Variants in HSH2D observed in about 807,000 individuals in gnomAD.
HSH2D encodes the protein hematopoietic SH2 domain containing, also known as hematopoietic SH2 domain-containing protein.
HSH2D carries 16 observed loss-of-function variants against 21.5 expected under a neutral mutation model. The observed-to-expected ratio is 0.74, with a 90% confidence interval of 0.50 to 1.13. The LOEUF (loss-of-function observed/expected upper bound fraction) is 1.13. Among genes scored for constraint, HSH2D ranks in the 50% most tolerant of loss-of-function variants. HSH2D has a pLI of 0.00. For synonymous variants in HSH2D, 172 were observed against 184.7 expected (o/e 0.93, Z 0.56); for missense variants, 418 against 441.4 (o/e 0.95, Z 0.47).
upstream of HSH2D, chr19:16,140,032 T>C (rs2090989677): frequency 6.6e-6 from 1 of 152,262 alleles, no homozygotes; most frequent in African/African-American, 2.4e-5. Context: ...GGTGAGGTCT[T>C]AGGGGACTGT....
intron 5 of HSH2D, among the ~76,000 whole-genome samples, chr19:16,156,807 G>A (rs899420472): frequency 1.3e-5 from 2 of 152,122 alleles, no homozygotes; most frequent in Admixed American, 1.3e-4. Flanking sequence ...GGCCAACATG[G>A]TGAAACCATG....
intron 4 of HSH2D, 62 bp from the exon 5 acceptor site, chr19:16,154,336 AG>A: frequency 8.9e-7 from 1 of 1,119,298 alleles, no homozygotes; most frequent in East Asian, 2.6e-5. Flanking sequence ...CCTGCCTTCC[AG>A]GGTCCGTGCA....
rs1324298332 is a variant in HSH2D, at chr19:16,148,663, T to C, written c.-27-61T>C. ...GAGGAGGCACCACAAGCTTCAAGAA[T>C]AGAGCAAAGATAAGAGGTGCATCAA... On this transcript the variant is annotated intron_variant, in intron 1 of 5. Coordinates refer to ENST00000613986, the MANE Select transcript of HSH2D (RefSeq NM_001382417.1). 6.5e-6 allele frequency: 10 copies of C among 1,536,296 alleles called. No individual in the cohort carries two copies. The Admixed American group carries it at 6.8e-5, about 10-fold the overall frequency.
chr19:16,142,624 G>A (rs545624813), upstream of HSH2D, among the ~76,000 whole-genome samples: 34 of 151,028 alleles, frequency 2.3e-4, no homozygotes, highest in East Asian at 4.9e-3. Flanking sequence ...TCACCACGCC[G>A]GGCTAATTTT....
rs748969553 is a variant in HSH2D, at chr19:16,157,237, C to A, written c.502C>A (p.Gln168Lys). 1.9e-6 allele frequency: 3 copies of A among 1,563,838 alleles called. No individual in the cohort carries two copies. In the Admixed American group the frequency reaches 5.9e-5, roughly 31 times the overall value. Residue 168 changes from glutamine (Q) to lysine (K), a missense_variant, in exon 6 of 6, where the codon CAA (glutamine) becomes AAA (lysine). Gln to Lys is a moderately conservative substitution (Grantham distance 53). Coordinates refer to ENST00000613986, the MANE Select transcript of HSH2D (RefSeq NM_001382417.1). The surrounding 1 kb of genome is among the most constrained non-coding windows in gnomAD (Gnocchi z 4.4). The part of the protein sequence containing the change: ...EASPKPVLCH[Q>K]SKERKPSAEM... ...CTCCCCAAAGCCAGTCCTGTGTCAC[C>A]AATCAAAGGAAAGGAAGCCGTCAGC...
chr19:16,149,057 T>C (rs75448076), intron 2 of HSH2D, among the ~76,000 whole-genome samples, 182 bp downstream of exon 2: 4,452 of 152,276 alleles, frequency 0.029, 215 homozygotes, highest in African/African-American at 0.1. Flanking sequence ...CTGTGTGACC[T>C]GGGGCAAGTT....
upstream of HSH2D, among the ~76,000 whole-genome samples, chr19:16,138,822 A>G (rs1017217514): frequency 1.3e-5 from 2 of 151,160 alleles, no homozygotes. Context: ...CTGTCTCCTC[A>G]TAGACTGTGG....
chr19:16,151,017 A>G (rs74553266), intron 2 of HSH2D, among the ~76,000 whole-genome samples: 1,780 of 152,192 alleles, frequency 0.012, 29 homozygotes, highest in African/African-American at 0.04. Flanking sequence ...AACTCCAGAT[A>G]ATAATGGTAA....
intron 1 of HSH2D, among the ~76,000 whole-genome samples, chr19:16,145,053 T>G (rs75529385): frequency 2.0e-3 from 282 of 141,496 alleles, no homozygotes; most frequent in South Asian, 0.012. Flanking sequence ...TTTTTTTTTT[T>G]TGTGAGACAG....
In HSH2D at chr19:16,152,641, A is replaced by G. The variant is rs1335241077; in HGVS notation, c.215A>G (p.Lys72Arg). 6.5e-7 allele frequency: 1 copy of G among 1,542,068 alleles called. No homozygotes were observed. The highest frequency in any genetic ancestry group is 2.3e-5 in the East Asian group (1 of 43,926). ...CATGTGGGCTACACACTCTCCTACA[A>G]GTAAGGCCTGGGCCGGGATCCAGGG... is the stretch of plus-strand genomic sequence containing the variant. The part of the protein sequence containing the change: ...HSHVGYTLSY[K>R]AQSSCCHFMV... The change falls in exon 3 of 6, where the codon AAA (lysine) becomes AGA (arginine). Residue 72 changes from lysine to arginine, a missense_variant and splice_region_variant. Lys to Arg is a conservative substitution (Grantham distance 26, BLOSUM62 2). Coordinates refer to ENST00000613986, the MANE Select transcript of HSH2D (RefSeq NM_001382417.1).
At chr19:16,134,578 G>A (rs1460759442) in intron 1 of HSH2D, among the ~76,000 whole-genome samples, 9 of 150,146 alleles carry the variant, frequency 6.0e-5, no homozygotes, top group South Asian at 4.2e-4. Flanking sequence ...GACCCAGGTC[G>A]GTTTCACCTG....
intron 1 of HSH2D, 96 bp downstream of exon 1, chr19:16,143,870 A>G: frequency 3.7e-6 from 1 of 273,002 alleles, no homozygotes; most frequent in Non-Finnish European, 7.9e-6. Context: ...CTGGGGTGGC[A>G]GGAGGGATTT....
rs1427796391 is a variant in HSH2D, at chr19:16,152,557, C to T, written c.131C>T (p.Ala44Val). The change falls in exon 3 of 6, where the codon GCT (alanine) becomes GTT (valine). Residue 44 changes from alanine to valine, a missense_variant. Ala to Val is a moderately conservative substitution (Grantham distance 64). Transcript: ENST00000613986. ...TTCTGTGTGTGCCCTTCCAGGGATG[C>T]TGAGAACTTGCTGGAGTCACAGCCA... ...WFHGAISRED[A>V]ENLLESQPLG... 2.7e-6 allele frequency: 4 copies of T among 1,494,620 alleles called. No homozygotes were observed. Among genetic ancestry groups the T allele is most frequent in the Non-Finnish European group, 3.6e-6 (4 of 1,123,798 alleles). The allele number at this position is 1,494,620 out of a possible 1,614,324, so 92.6% of individuals were successfully genotyped here.
intron 2 of HSH2D, among the ~76,000 whole-genome samples, chr19:16,150,387 A>G (rs886835848): frequency 1.3e-5 from 2 of 152,144 alleles, no homozygotes; most frequent in Admixed American, 1.3e-4. Flanking sequence ...TGAAAATACA[A>G]AATTAGCCAG....
chr19:16,151,438 T>C (rs2091149025), intron 2 of HSH2D: 1 of 428,834 alleles, frequency 2.3e-6, no homozygotes, highest in South Asian at 1.6e-5. Context: ...GTTCTTTCTG[T>C]TCTCACAGCA....
intron 2 of HSH2D, chr19:16,151,638 C>A (rs1323074535): frequency 3.7e-5 from 17 of 455,390 alleles, no homozygotes; most frequent in Non-Finnish European, 3.5e-5. Context: ...TCGGGGGATT[C>A]CAGGCATTGG....
chr19:16,143,108 G>A (rs1443436346), upstream of HSH2D, among the ~76,000 whole-genome samples: 1 of 150,810 alleles, frequency 6.6e-6, no homozygotes, highest in Non-Finnish European at 1.5e-5. Flanking sequence ...GTTTTGAGAA[G>A]GAGTCTCACT....
intron 5 of HSH2D, among the ~76,000 whole-genome samples, chr19:16,155,128 TC>T (rs1388277570): frequency 6.6e-6 from 1 of 152,130 alleles, no homozygotes; most frequent in East Asian, 1.9e-4. Context: ...AATGAATGTA[TC>T]ACAGCATCTT....
chr19:16,153,175 G>T lies in HSH2D; in HGVS notation c.348G>T (p.Pro116=). 1 of 1,563,376 alleles carries T rather than the reference G, an allele frequency of 6.4e-7. No individual in the cohort carries two copies. ...VTFHQQKPIE[P]RRELLTQPCR... is the part of the protein sequence containing the mutation. Reference sequence around the variant, plus strand: ...TCCACCAGCAGAAGCCAATTGAGCCGCGCAGGGAGCTGCTGACACAGCCCT... The same window carrying T: ...TCCACCAGCAGAAGCCAATTGAGCCTCGCAGGGAGCTGCTGACACAGCCCT... Residue 116 remains proline (P), a synonymous_variant, in exon 4 of 6, where the codon CCG becomes CCT. Transcript: ENST00000613986.
Sources: allele counts gnomAD v4.1 joint callset (sites outside exome capture counted in the v4.1 genomes callset), GRCh38; gene constraint gnomAD v4.1.1; non-coding constraint Gnocchi (gnomAD v3.1); transcripts MANE v1.5; gene names NCBI Gene and HGNC (gene_info 2026-07-23, HGNC 2026-07-21).